XYLT1: variants seen among roughly 807,000 people sequenced by gnomAD.
The protein encoded by XYLT1 is beta-D-xylosyltransferase 1.
XYLT1 carries 36 observed loss-of-function variants against 91.3 expected under a neutral mutation model. That is an observed-to-expected ratio of 0.39 (90% CI 0.30 to 0.52). The LOEUF (loss-of-function observed/expected upper bound fraction) is 0.52. Ranked by LOEUF, XYLT1 falls within the 20% of genes least tolerant of loss-of-function variation. The pLI is 0.68. For synonymous variants in XYLT1, 588 were observed against 532.0 expected, an observed-to-expected ratio of 1.11 and a Z score of -1.45; for missense variants, 1,242 against 1,284.5, an observed-to-expected ratio of 0.97 and a Z score of 0.51.
intron 2 of XYLT1, among the ~76,000 whole-genome samples, chr16:17,320,138 T>C (rs1006404844): frequency 6.6e-6 from 1 of 152,180 alleles, no homozygotes; most frequent in Non-Finnish European, 1.5e-5. Context: ...ACATTTGTAG[T>C]GATATATGTA....
intron 2 of XYLT1, among the ~76,000 whole-genome samples, chr16:17,307,219 T>TA (rs1209901393): frequency 6.6e-6 from 1 of 152,144 alleles, no homozygotes; most frequent in Non-Finnish European, 1.5e-5. Flanking sequence ...GCTGGGATTA[T>TA]AGGTGTAGAC....
chr16:17,368,467 C>T (rs1478947865), intron 1 of XYLT1, among the ~76,000 whole-genome samples: 1 of 151,942 alleles, frequency 6.6e-6, no homozygotes, highest in Non-Finnish European at 1.5e-5. Context: ...TTATGAGATA[C>T]CATAATTCAC....
intron 2 of XYLT1, among the ~76,000 whole-genome samples, chr16:17,306,330 A>G (rs1425603247): frequency 6.6e-6 from 1 of 152,118 alleles, no homozygotes; most frequent in Non-Finnish European, 1.5e-5. Context: ...CACCATTTTC[A>G]CCCTATATAC....
In XYLT1 at chr16:17,133,617, A is replaced by ACAGGATAC. The variant is rs2030585802; in HGVS notation, c.2027+848_2027+855dup. On this transcript the variant is annotated intron_variant, in intron 9 of 11. Transcript: ENST00000261381. ...AATAGTATAATGCCAAGGGAAGAAA[A>ACAGGATAC]CAGGATACCCAATTCTTGTTGCAAT... 2.0e-5 allele frequency among the ~76,000 whole-genome samples: 3 copies of ACAGGATAC among 152,196 alleles called. No individual in the cohort carries two copies. The South Asian group carries it at 6.2e-4, about 31-fold the overall frequency.
chr16:17,244,463 C>A (rs563169856), intron 3 of XYLT1, among the ~76,000 whole-genome samples: 14 of 152,262 alleles, frequency 9.2e-5, no homozygotes, highest in African/African-American at 3.4e-4. Context: ...CTGTTGGTGA[C>A]CAATACAGGA....
chr16:17,186,359 T>A (rs902304404), intron 5 of XYLT1, among the ~76,000 whole-genome samples: 2 of 151,980 alleles, frequency 1.3e-5, no homozygotes, highest in Non-Finnish European at 2.9e-5. Flanking sequence ...TGCCTTGGCC[T>A]CCCAAAGGGC....
At chr16:17,309,667 A>T (rs1567367835) in intron 2 of XYLT1, among the ~76,000 whole-genome samples, 1 of 152,214 alleles carries the variant, frequency 6.6e-6, no homozygotes, top group Non-Finnish European at 1.5e-5. Context: ...ATGGCCTTAA[A>T]CATCCACAAC....
chr16:17,441,671 G>A (rs185612131), intron 1 of XYLT1, among the ~76,000 whole-genome samples: 2 of 152,102 alleles, frequency 1.3e-5, no homozygotes, highest in African/African-American at 4.8e-5. Context: ...TTAAATAGCA[G>A]GTACTCTAAG....
chr16:17,422,974 G>C (rs556826249), intron 1 of XYLT1, among the ~76,000 whole-genome samples: 1 of 152,324 alleles, frequency 6.6e-6, no homozygotes, highest in Non-Finnish European at 1.5e-5. Flanking sequence ...CTTCTGCTAA[G>C]AGGCTGACTT....
chr16:17,402,452 A>G lies in XYLT1; in HGVS notation c.364-44402T>C, dbSNP rs111688319. Among the ~76,000 whole-genome samples, 517 of 152,364 alleles carry G rather than the reference A, an allele frequency of 3.4e-3. 2 individuals are homozygous for G. Among genetic ancestry groups the G allele is most frequent in the African/African-American group, 0.011 (471 of 41,594 alleles). On this transcript the variant is annotated intron_variant, in intron 1 of 11. Coordinates refer to ENST00000261381, the MANE Select transcript of XYLT1 (RefSeq NM_022166.4). ...ATGTGAAAATTGCAGTTGGGTTGGA[A>G]TGGTGGGTTATGGATAATGTTTTTT...
intron 6 of XYLT1, among the ~76,000 whole-genome samples, chr16:17,146,594 C>T (rs1270979917): frequency 1.3e-5 from 2 of 152,098 alleles, no homozygotes; most frequent in African/African-American, 2.4e-5. Flanking sequence ...CTGAAATGCA[C>T]TTCCACTCCT....
chr16:17,413,343 G>A (rs1596533150), intron 1 of XYLT1, among the ~76,000 whole-genome samples: 1 of 152,122 alleles, frequency 6.6e-6, no homozygotes, highest in East Asian at 1.9e-4. Context: ...AAGGAAGGGG[G>A]TGTTCTGTGT....
Position 17,259,012 on chromosome 16 carries a change from C to T in XYLT1, c.889G>A (p.Val297Met). Residue 297 changes from valine to methionine, a missense_variant, in exon 3 of 12, where the codon GTG (valine) becomes ATG (methionine). Coordinates refer to ENST00000261381, the MANE Select transcript of XYLT1 (RefSeq NM_022166.4). ...HKLGLLMPEK[V>M]TRFCPLEGKA... ...CCCTCGAGGGGGCAGAACCGAGTCA[C>T]CTTCTCAGGCATCAGCAGCCCTAAC... is the stretch of plus-strand genomic sequence containing the variant. 1 of 1,508,314 alleles carries T rather than the reference C, an allele frequency of 6.6e-7. No homozygotes were observed. Among genetic ancestry groups the T allele is most frequent in the Non-Finnish European group, 8.9e-7 (1 of 1,128,452 alleles). 93.4% of individuals were successfully genotyped at this position (1,508,314 alleles called of 1,614,324 possible). A position where few individuals can be genotyped will look rare whatever the true frequency, so the allele number is the denominator to read the frequency against.
chr16:17,449,094 T>C (rs1023046691), intron 1 of XYLT1, among the ~76,000 whole-genome samples: 1 of 152,194 alleles, frequency 6.6e-6, no homozygotes, highest in African/African-American at 2.4e-5. Flanking sequence ...TGTCATGCCA[T>C]GCCTGGTCTC....
At chr16:17,429,691 G>C (rs1487243134) in intron 1 of XYLT1, among the ~76,000 whole-genome samples, 1 of 152,204 alleles carries the variant, frequency 6.6e-6, no homozygotes, top group East Asian at 1.9e-4. Context: ...TCAGCCAGTA[G>C]ATGGAGGGCC....
chr16:17,241,148 G>T (rs1407362468), intron 3 of XYLT1, among the ~76,000 whole-genome samples: 1 of 152,230 alleles, frequency 6.6e-6, no homozygotes, highest in Non-Finnish European at 1.5e-5. Context: ...CTCTACAAAT[G>T]CATTATTAAT....
chr16:17,161,218 G>A (rs991954126), intron 5 of XYLT1, among the ~76,000 whole-genome samples: 2 of 152,192 alleles, frequency 1.3e-5, no homozygotes, highest in African/African-American at 2.4e-5. Context: ...CCCATCTGAC[G>A]GGGATGAATA....
intron 2 of XYLT1, among the ~76,000 whole-genome samples, chr16:17,313,894 T>C (rs533878001): frequency 2.8e-3 from 419 of 152,158 alleles, no homozygotes; most frequent in Non-Finnish European, 4.9e-3. Flanking sequence ...TAAGGGGATA[T>C]AATTAAGGGG....
chr16:17,301,092 T>TG (rs919713395), intron 2 of XYLT1, among the ~76,000 whole-genome samples: 3 of 151,806 alleles, frequency 2.0e-5, no homozygotes, highest in African/African-American at 7.3e-5. Flanking sequence ...AAGCAAAATT[T>TG]GGGGGAGTAT....
Sources: allele counts gnomAD v4.1 joint callset (sites outside exome capture counted in the v4.1 genomes callset), GRCh38; gene constraint gnomAD v4.1.1; transcripts MANE v1.5; gene names NCBI Gene and HGNC (gene_info 2026-07-23, HGNC 2026-07-21).